PHTF2: variants seen among roughly 807,000 people sequenced by gnomAD.
PHTF2 encodes the protein putative homeodomain transcription factor 2, also known as protein PHTF2.
A neutral mutation model predicts 101.2 loss-of-function variants in PHTF2; 60 were observed. That is an observed-to-expected ratio of 0.59 (90% CI 0.48 to 0.73). PHTF2 has a LOEUF of 0.73. Among genes scored for constraint, PHTF2 ranks in the 30% least tolerant of loss-of-function variants. PHTF2 has a pLI of 0.00. For synonymous variants in PHTF2, 311 were observed against 307.3 expected, an observed-to-expected ratio of 1.01 and a Z score of -0.13; for missense variants, 747 against 908.7, an observed-to-expected ratio of 0.82 and a Z score of 2.29.
chr7:77,951,786 A>G (rs1806571204), intron 18 of PHTF2, 74 bp downstream of exon 17: 2 of 667,084 alleles, frequency 3.0e-6, no homozygotes, highest in Admixed American at 7.2e-5. Flanking sequence ...TTGTTTATAG[A>G]TATTACTTTG....
intron 1 of PHTF2, among the ~76,000 whole-genome samples, chr7:77,835,683 A>G (rs192254406): frequency 1.3e-5 from 2 of 152,286 alleles, no homozygotes; most frequent in East Asian, 1.9e-4. Context: ...GAATCCCCCA[A>G]AATTTAACTA....
chr7:77,957,095 A>G (rs1807028133), exon 20 of PHTF2: 1 of 152,226 alleles, frequency 6.6e-6, no homozygotes, highest in Non-Finnish European at 1.5e-5. Flanking sequence ...ATTGTAAAAT[A>G]TCACATAATA....
intron 3 of PHTF2, among the ~76,000 whole-genome samples, chr7:77,855,962 T>G (rs1797147302): frequency 6.6e-6 from 1 of 152,206 alleles, no homozygotes; most frequent in African/African-American, 2.4e-5. Flanking sequence ...CTCACCTGAT[T>G]TTTGGTTTTT....
At chr7:77,952,780 A>G (rs909264572) in intron 18 of PHTF2, among the ~76,000 whole-genome samples, 2 of 152,210 alleles carry the variant, frequency 1.3e-5, no homozygotes, top group African/African-American at 4.8e-5. Context: ...TTGATCATAC[A>G]TAGTCTCCTA....
intron 5 of PHTF2, among the ~76,000 whole-genome samples, chr7:77,898,850 G>C (rs1801116114): frequency 1.3e-5 from 2 of 151,970 alleles, no homozygotes; most frequent in African/African-American, 4.8e-5. Context: ...CCAGGCTGGA[G>C]TGCAATGGTG....
intron 1 of PHTF2, among the ~76,000 whole-genome samples, chr7:77,835,848 A>G (rs1795416646): frequency 6.6e-6 from 1 of 152,152 alleles, no homozygotes; most frequent in Admixed American, 6.5e-5. Context: ...GGCCGGGCAC[A>G]GTGGCTCACA....
intron 1 of PHTF2, among the ~76,000 whole-genome samples, chr7:77,819,353 A>G (rs952549282): frequency 6.6e-6 from 1 of 152,206 alleles, no homozygotes; most frequent in Non-Finnish European, 1.5e-5. Flanking sequence ...CCTAGTCAGT[A>G]TGATGTTAGC....
chr7:77,798,908 C>T (rs987564566), exon 1 of PHTF2: 2 of 152,632 alleles, frequency 1.3e-5, no homozygotes, highest in African/African-American at 4.8e-5. Context: ...GGCGGCGGCG[C>T]TAGCTTCGGA....
intron 2 of PHTF2, among the ~76,000 whole-genome samples, chr7:77,841,373 C>A (rs967844549): frequency 2.0e-5 from 3 of 151,990 alleles, no homozygotes; most frequent in Non-Finnish European, 2.9e-5. Flanking sequence ...AGCCACCGCG[C>A]CCAGCCAAAC....
intron 2 of PHTF2, among the ~76,000 whole-genome samples, chr7:77,841,895 A>G (rs1396236665): frequency 6.6e-6 from 1 of 152,150 alleles, no homozygotes; most frequent in East Asian, 1.9e-4. Context: ...TCTCTTTCCT[A>G]ATTTCTATCT....
intron 1 of PHTF2, among the ~76,000 whole-genome samples, chr7:77,803,063 A>G (rs574963560): frequency 7.2e-5 from 11 of 152,350 alleles, no homozygotes; most frequent in African/African-American, 2.6e-4. Flanking sequence ...AAAATATAGA[A>G]GTGAGTTTTC....
intron 16 of PHTF2, among the ~76,000 whole-genome samples, chr7:77,944,257 AGG>A (rs1453166024): frequency 1.3e-5 from 2 of 152,198 alleles, no homozygotes; most frequent in African/African-American, 4.8e-5. Context: ...ACAGGAGATG[AGG>A]CCTTGACCTG....
chr7:77,818,128 A>G (rs1411062610), intron 1 of PHTF2, among the ~76,000 whole-genome samples: 2 of 151,848 alleles, frequency 1.3e-5, no homozygotes, highest in African/African-American at 4.8e-5. Context: ...AAAAAAAACA[A>G]CAGTTTGAGT....
chr7:77,847,242 T>C (rs1195041959), intron 2 of PHTF2, among the ~76,000 whole-genome samples: 1 of 152,220 alleles, frequency 6.6e-6, no homozygotes, highest in Non-Finnish European at 1.5e-5. Context: ...TGGCTGGTTA[T>C]AGTAGTAGAG....
exon 10 of PHTF2, chr7:77,920,426 A>T (rs764627313): frequency 1.2e-6 from 2 of 1,613,548 alleles, no homozygotes; most frequent in African/African-American, 2.7e-5. Flanking sequence ...CAGAAGAGAC[A>T]GCCTGGAACA....
intron 12 of PHTF2, among the ~76,000 whole-genome samples, chr7:77,932,621 A>AGAGAGAGT (rs759880633): frequency 5.1e-5 from 6 of 118,476 alleles, no homozygotes; most frequent in African/African-American, 2.1e-4. Context: ...AGAGAGAGAG[A>AGAGAGAGT]GTGTGTGTGT....
chr7:77,877,613 C>T (rs1397140783), intron 3 of PHTF2, among the ~76,000 whole-genome samples: 1 of 152,162 alleles, frequency 6.6e-6, no homozygotes, highest in African/African-American at 2.4e-5. Flanking sequence ...ATAAATTATG[C>T]AGAATGGTAT....
In PHTF2 at chr7:77,908,824, T is replaced by C. The variant is rs778648648; in HGVS notation, c.477T>C (p.Ser159=). ...CAATAGTATTATTCTGCTCCACTTCTAGCCCACACAGCATACCTCTGACAG... is the reference window on the plus strand; with the variant it reads ...CAATAGTATTATTCTGCTCCACTTCCAGCCCACACAGCATACCTCTGACAG... The change falls in exon 8 of 20, where the codon TCT becomes TCC. Residue 159 remains serine, a synonymous_variant. Transcript: ENST00000416283. The C allele has an allele frequency of 2.9e-5, 46 of 1,609,894 alleles. No individual in the cohort carries two copies. In the South Asian group the frequency reaches 4.6e-4, roughly 16 times the overall value.
chr7:77,876,908 TCAAAAATTC>T (rs1309884838), intron 3 of PHTF2, among the ~76,000 whole-genome samples: 1 of 152,170 alleles, frequency 6.6e-6, no homozygotes, highest in Non-Finnish European at 1.5e-5. Context: ...ATAACACTTA[TCAAAAATTC>T]CAAATAATTT....
Sources: gnomAD v4.1 joint callset for allele counts (sites outside exome capture counted in the v4.1 genomes callset) on GRCh38, gnomAD v4.1.1 for gene constraint, MANE v1.5 for transcripts, NCBI Gene and HGNC (gene_info 2026-07-23, HGNC 2026-07-21) for gene names.